RAB22A: variants seen among roughly 807,000 people sequenced by gnomAD.
The protein encoded by RAB22A is ras-related protein Rab-22A.
A neutral mutation model predicts 30.2 loss-of-function variants in RAB22A; 13 were observed. The observed-to-expected ratio is 0.43, with a 90% confidence interval of 0.28 to 0.68. The LOEUF (loss-of-function observed/expected upper bound fraction) is 0.68, where lower values mean the gene tolerates loss of function less well. RAB22A is among the 30% of genes least tolerant of loss of function. The pLI is 0.18. For synonymous variants in RAB22A, 89 were observed against 87.2 expected (o/e 1.02, Z -0.11); for missense variants, 177 against 246.8 (o/e 0.72, Z 1.89).
chr20:58,334,307 C>G (rs1456901495), intron 2 of RAB22A, among the ~76,000 whole-genome samples: 1 of 151,286 alleles, frequency 6.6e-6, no homozygotes, highest in East Asian at 1.9e-4. Flanking sequence ...TGTACTGCAG[C>G]CTGGGCGACA....
intron 6 of RAB22A, among the ~76,000 whole-genome samples, chr20:58,358,730 A>C (rs1028314195): frequency 6.6e-6 from 1 of 152,122 alleles, no homozygotes; most frequent in African/African-American, 2.4e-5. Flanking sequence ...CCTGGTCTCT[A>C]CTAAAAATAT....
chr20:58,320,964 G>A (rs951394268), intron 2 of RAB22A, among the ~76,000 whole-genome samples: 2 of 151,854 alleles, frequency 1.3e-5, no homozygotes, highest in African/African-American at 2.4e-5. Context: ...GGCCGAGGCG[G>A]GTAGATCATG....
At chr20:58,337,568 TTA>T (rs1011469597) in intron 2 of RAB22A, among the ~76,000 whole-genome samples, 1 of 152,160 alleles carries the variant, frequency 6.6e-6, no homozygotes, top group African/African-American at 2.4e-5. Flanking sequence ...TACCTGGTAA[TTA>T]TCTATTCACC....
chr20:58,359,521 T>G, intron 6 of RAB22A, 85 bp from the exon 7 acceptor site: 2 of 738,818 alleles, frequency 2.7e-6, no homozygotes, highest in Non-Finnish European at 2.1e-6. Context: ...TTTACTTCAG[T>G]GAAACCTGTC....
At chr20:58,334,013 G>A (rs1310362960) in intron 2 of RAB22A, among the ~76,000 whole-genome samples, 2 of 152,028 alleles carry the variant, frequency 1.3e-5, no homozygotes, top group South Asian at 4.1e-4. Flanking sequence ...AACCATTATT[G>A]TGCCATTACA....
At position 58,366,612 on chromosome 20, in the gene RAB22A, TGAAA is replaced by T. The variant is rs768375995; in HGVS notation, c.*6914_*6917del. Reference sequence around the variant, plus strand: ...TGTACAACTCTTAATTTAACATTTTTGAAAGAAAAAAAAACCGGCCAGAGCATTA... The same window carrying T: ...TGTACAACTCTTAATTTAACATTTTTGAAAAAAAAACCGGCCAGAGCATTA... On this transcript the variant is annotated 3_prime_UTR_variant, in exon 7 of 7. Coordinates refer to ENST00000244040, the MANE Select transcript of RAB22A (RefSeq NM_020673.3). 2.6e-5 allele frequency: 4 copies of T among 151,852 alleles called. No individual in the cohort carries two copies. The highest frequency in any genetic ancestry group is 6.4e-3 in the Middle Eastern group (2 of 314). 9.4% of individuals were successfully genotyped at this position (151,852 alleles called of 1,614,324 possible). A position where few individuals can be genotyped will look rare whatever the true frequency, so the allele number is the denominator to read the frequency against.
intron 2 of RAB22A, among the ~76,000 whole-genome samples, chr20:58,326,895 A>G (rs1426650191): frequency 2.6e-5 from 4 of 152,144 alleles, no homozygotes; most frequent in South Asian, 2.1e-4. Flanking sequence ...CCTTTTCCCA[A>G]TGTTAGGGGG....
chr20:58,329,465 T>C (rs1986627769), intron 2 of RAB22A, among the ~76,000 whole-genome samples: 1 of 152,188 alleles, frequency 6.6e-6, no homozygotes, highest in South Asian at 2.1e-4. Flanking sequence ...TTTTGTTGAG[T>C]GGCGTCATCC....
rs1987033087 is a variant in RAB22A, at chr20:58,350,649, G to A, written c.199-2624G>A. On this transcript the variant is annotated intron_variant, in intron 3 of 6. Transcript: ENST00000244040. ...AGAGGAACAGGATCTTTAAAGTGTG[G>A]AAAGCAAAAACCTATCAGTTTGCCA... is the stretch of plus-strand genomic sequence containing the variant. 2.6e-5 allele frequency among the ~76,000 whole-genome samples: 4 copies of A among 152,186 alleles called. No individual in the cohort carries two copies. The South Asian group carries it at 8.3e-4, about 32-fold the overall frequency.
intron 2 of RAB22A, among the ~76,000 whole-genome samples, chr20:58,341,970 C>A (rs1448916928): frequency 6.6e-6 from 1 of 151,974 alleles, no homozygotes; most frequent in African/African-American, 2.4e-5. Flanking sequence ...GAGTTGCAAG[C>A]TTTTAGGACT....
intron 2 of RAB22A, among the ~76,000 whole-genome samples, chr20:58,337,287 C>T (rs1232415926): frequency 6.6e-6 from 1 of 152,132 alleles, no homozygotes; most frequent in Non-Finnish European, 1.5e-5. Flanking sequence ...GCTTGTGGCC[C>T]CTTCTTTCAT....
intron 2 of RAB22A, among the ~76,000 whole-genome samples, chr20:58,313,869 T>G (rs1986281040): frequency 6.6e-6 from 1 of 152,160 alleles, no homozygotes; most frequent in Non-Finnish European, 1.5e-5. Context: ...GGGGCTACAA[T>G]GACCAACTTG....
chr20:58,331,732 C>G (rs1003356759), intron 2 of RAB22A, among the ~76,000 whole-genome samples: 7 of 151,994 alleles, frequency 4.6e-5, no homozygotes, highest in Non-Finnish European at 8.8e-5. Flanking sequence ...CTTCCTCCTT[C>G]TTGTGTTTCT....
intron 2 of RAB22A, among the ~76,000 whole-genome samples, chr20:58,314,916 A>T (rs376753267): frequency 1.3e-5 from 2 of 152,174 alleles, no homozygotes; most frequent in Non-Finnish European, 1.5e-5. Flanking sequence ...GACGGTGGGT[A>T]GAAAAGAACC....
intron 3 of RAB22A, among the ~76,000 whole-genome samples, chr20:58,352,614 C>T (rs921784330): frequency 7.2e-5 from 11 of 152,202 alleles, no homozygotes; most frequent in African/African-American, 2.7e-4. Flanking sequence ...GGTTATTCCT[C>T]TCCCTTCTCT....
intron 5 of RAB22A, 57 bp downstream of exon 5, chr20:58,353,595 G>T: frequency 7.5e-7 from 1 of 1,338,350 alleles, no homozygotes. Flanking sequence ...TTCTTAATAA[G>T]CAATATCCAG....
At chr20:58,319,630 G>C (rs1379356580) in intron 2 of RAB22A, among the ~76,000 whole-genome samples, 5 of 152,154 alleles carry the variant, frequency 3.3e-5, no homozygotes. Context: ...TGAATCTCTT[G>C]ACCAATTTGG....
In RAB22A at chr20:58,361,702, T is replaced by C. The variant is rs769637131; in HGVS notation, c.*1999T>C. 3.3e-5 allele frequency: 5 copies of C among 152,188 alleles called. No homozygotes were observed. Among genetic ancestry groups the C allele is most frequent in the Non-Finnish European group, 7.3e-5 (5 of 68,032 alleles). The allele number at this position is 152,188 out of a possible 1,614,324, so 9.4% of individuals were successfully genotyped here. On this transcript the variant is annotated 3_prime_UTR_variant, in exon 7 of 7. Coordinates refer to ENST00000244040, the MANE Select transcript of RAB22A (RefSeq NM_020673.3). ...GGCCTCTATCTCCATGACAACAAAA[T>C]AAAAACAGAGGTTGCTTGACTCATT...
At chr20:58,323,699 G>A (rs1416300799) in intron 2 of RAB22A, among the ~76,000 whole-genome samples, 1 of 150,288 alleles carries the variant, frequency 6.7e-6, no homozygotes, top group African/African-American at 2.5e-5. Context: ...TGAACACCTG[G>A]GCTCAAGTGA....
Sources: gnomAD v4.1 joint callset for allele counts (sites outside exome capture counted in the v4.1 genomes callset) on GRCh38, gnomAD v4.1.1 for gene constraint, MANE v1.5 for transcripts, NCBI Gene and HGNC (gene_info 2026-07-23, HGNC 2026-07-21) for gene names.